PREX1: variants seen among roughly 807,000 people sequenced by gnomAD.
The protein encoded by PREX1 is phosphatidylinositol 3,4,5-trisphosphate-dependent Rac exchanger 1 protein.
PREX1 carries 41 observed loss-of-function variants against 198.3 expected under a neutral mutation model. The ratio of observed to expected loss-of-function variants is 0.21; its 90% CI spans 0.16 to 0.27. The LOEUF (loss-of-function observed/expected upper bound fraction) is 0.27, where lower values mean the gene tolerates loss of function less well. Among genes scored for constraint, PREX1 ranks in the 10% least tolerant of loss-of-function variants. The pLI, the probability that PREX1 is intolerant of heterozygous loss-of-function variation, is 1.00. For synonymous variants in PREX1, 843 were observed against 887.2 expected (o/e 0.95, Z 0.89); for missense variants, 1,620 against 2,200.7 (o/e 0.74, Z 5.28).
At chr20:48,879,587 A>G in the PREX1 span, among the ~76,000 whole-genome samples, 4 of 152,316 alleles carry the variant, frequency 2.6e-5, no homozygotes, top group South Asian at 4.1e-4. Flanking sequence ...CATTCATGCT[A>G]CATATTTTTA....
chr20:48,841,020 G>T, the PREX1 span, among the ~76,000 whole-genome samples: 1 of 151,510 alleles, frequency 6.6e-6, no homozygotes, highest in Admixed American at 6.6e-5. Flanking sequence ...GACTGGTCTC[G>T]AACTCCTAGG....
intron 37 of PREX1, among the ~76,000 whole-genome samples, chr20:48,628,392 C>T (rs2089289701): frequency 6.6e-6 from 1 of 152,170 alleles, no homozygotes; most frequent in Admixed American, 6.5e-5. Flanking sequence ...GATTCTGCAG[C>T]AAGACCTCTA....
At chr20:48,792,653 TTATTCATAG>T (rs1282633544) in intron 1 of PREX1, among the ~76,000 whole-genome samples, 1 of 152,110 alleles carries the variant, frequency 6.6e-6, no homozygotes, top group African/African-American at 2.4e-5. Flanking sequence ...CATAGCAGTA[TTATTCATAG>T]TAGCCAAACT....
At chr20:48,633,849 G>C (rs1167196014) in intron 33 of PREX1, among the ~76,000 whole-genome samples, 1 of 152,216 alleles carries the variant, frequency 6.6e-6, no homozygotes, top group Non-Finnish European at 1.5e-5. Flanking sequence ...GGGCTGAGAC[G>C]CACTGGTCTA....
At chr20:48,848,897 C>A in the PREX1 span, among the ~76,000 whole-genome samples, 13 of 152,046 alleles carry the variant, frequency 8.6e-5, no homozygotes, top group African/African-American at 2.7e-4. Context: ...CCACTGTGCT[C>A]AGCTAATTTT....
At position 48,649,444 on chromosome 20, in the gene PREX1, C is replaced by T. The variant is rs771695747; in HGVS notation, c.3161G>A (p.Ser1054Asn). 2.5e-6 allele frequency: 4 copies of T among 1,614,090 alleles called. No individual in the cohort carries two copies. The African/African-American group carries it at 5.3e-5, about 22-fold the overall frequency. ...GLHDGSFGPA[S>N]GTLGQEDRGL... ...CCGGTCTTCCTGACCAAGGGTCCCA[C>T]TGGCTGGCCCGAAGCTGCCATCATG... The change falls in exon 25 of 40, where the codon AGT (serine) becomes AAT (asparagine). Residue 1054 changes from serine (S) to asparagine (N), a missense_variant. By Grantham distance (46) the Ser-to-Asn change is conservative. Transcript: ENST00000371941.
the PREX1 span, among the ~76,000 whole-genome samples, chr20:48,835,662 A>G: frequency 6.6e-6 from 1 of 152,178 alleles, no homozygotes; most frequent in Non-Finnish European, 1.5e-5. Flanking sequence ...GCAAGGGGGA[A>G]GGGTAGTTGA....
chr20:48,745,191 G>C lies in PREX1; in HGVS notation c.292-44C>G, dbSNP rs774447293. 3.8e-6 allele frequency: 6 copies of C among 1,572,952 alleles called. No individual in the cohort carries two copies. The South Asian group carries it at 6.9e-5, about 18-fold the overall frequency. On this transcript the variant is annotated intron_variant, in intron 2 of 39. Coordinates refer to ENST00000371941, the MANE Select transcript of PREX1 (RefSeq NM_020820.4). ...CCAGAGGACAGCGTTAAGGCTCAGA[G>C]GGAGAGCAAAGCCAAGCACTGAAAA...
At chr20:48,821,480 G>A (rs1178241623) in intron 1 of PREX1, among the ~76,000 whole-genome samples, 1 of 152,202 alleles carries the variant, frequency 6.6e-6, no homozygotes, top group East Asian at 1.9e-4. Flanking sequence ...GGGGAATGAT[G>A]CTGTGGGACA....
chr20:48,831,308 C>T (rs1568658426), upstream of PREX1, among the ~76,000 whole-genome samples: 1 of 152,208 alleles, frequency 6.6e-6, no homozygotes, highest in African/African-American at 2.4e-5. Context: ...TAGATTGCCA[C>T]CATCAACTTA....
upstream of PREX1, among the ~76,000 whole-genome samples, chr20:48,829,431 T>G (rs1259496802): frequency 6.6e-6 from 1 of 152,214 alleles, no homozygotes; most frequent in East Asian, 1.9e-4. Flanking sequence ...ATACTGTAAG[T>G]GCCTAAGGAC....
intron 10 of PREX1, among the ~76,000 whole-genome samples, chr20:48,683,728 A>G (rs1466349557): frequency 6.6e-6 from 1 of 152,216 alleles, no homozygotes; most frequent in African/African-American, 2.4e-5. Context: ...GAGGAAATCC[A>G]GCATTTCCTG....
chr20:48,656,665 T>C (rs935086739), intron 18 of PREX1, among the ~76,000 whole-genome samples: 1 of 152,174 alleles, frequency 6.6e-6, no homozygotes, highest in East Asian at 1.9e-4. Context: ...GCCATCCCTC[T>C]GCACACTCTG....
At position 48,627,621 on chromosome 20, in the gene PREX1, A is replaced by G; in HGVS notation, c.4870-6T>C. The G allele has an allele frequency of 6.2e-7, 1 of 1,612,298 alleles. No homozygotes were observed. Among genetic ancestry groups the G allele is most frequent in the East Asian group, 2.2e-5 (1 of 44,746 alleles). On this transcript the variant is annotated splice_region_variant and splice_polypyrimidine_tract_variant and intron_variant, in intron 38 of 39. Transcript: ENST00000371941. ...AGAATCTCCACCCTTGGGCCCTGGA[A>G]GAAGGAACCATCAGGCAGGGGCCTC... is the stretch of plus-strand genomic sequence containing the variant.
chr20:48,764,315 T>G (rs894334397), intron 1 of PREX1, among the ~76,000 whole-genome samples: 4 of 152,170 alleles, frequency 2.6e-5, no homozygotes, highest in African/African-American at 9.7e-5. Flanking sequence ...ACCATTGTGG[T>G]GGGCTGAACA....
intron 36 of PREX1, 126 bp downstream of exon 36, chr20:48,630,602 C>A: frequency 1.4e-6 from 1 of 716,192 alleles, no homozygotes; most frequent in South Asian, 2.1e-5. Context: ...GGAGAGACTG[C>A]AGGGTCTCAA....
At position 48,782,528 on chromosome 20, in the gene PREX1, T is replaced by C. The variant is rs183558338; in HGVS notation, c.220-34648A>G. Among the ~76,000 whole-genome samples, 390 of 152,316 alleles carry C rather than the reference T, an allele frequency of 2.6e-3. 3 individuals carry two copies. The highest frequency in any genetic ancestry group is 4.4e-3 in the Non-Finnish European group (302 of 68,022). ...GTGAAAATGGACTAATACACCCATA[T>C]ATCCATTTCTATGAATATGTCCTGT... On this transcript the variant is annotated intron_variant, in intron 1 of 39. Coordinates refer to ENST00000371941, the MANE Select transcript of PREX1 (RefSeq NM_020820.4).
intron 23 of PREX1, 67 bp from the exon 24 acceptor site, chr20:48,650,273 A>T: frequency 6.8e-7 from 1 of 1,469,818 alleles, no homozygotes; most frequent in South Asian, 1.2e-5. Flanking sequence ...GCCCATACCC[A>T]GTACCCACTT....
intron 6 of PREX1, among the ~76,000 whole-genome samples, chr20:48,706,507 G>C (rs1485145491): frequency 6.6e-6 from 1 of 152,152 alleles, no homozygotes; most frequent in Non-Finnish European, 1.5e-5. Flanking sequence ...GCAATGAAAG[G>C]GGACACCTGT....
Sources: allele counts gnomAD v4.1 joint callset (sites outside exome capture counted in the v4.1 genomes callset), GRCh38; gene constraint gnomAD v4.1.1; transcripts MANE v1.5; gene names NCBI Gene and HGNC (gene_info 2026-07-23, HGNC 2026-07-21).